The following TGFB2 variants were observed in gnomAD, a reference collection of about 807,000 sequenced individuals.
TGFB2 encodes transforming growth factor beta-2 proprotein.
Under a neutral mutation model 42.7 loss-of-function variants are expected in TGFB2, and 13 were observed. The ratio of observed to expected loss-of-function variants is 0.30; its 90% CI spans 0.20 to 0.48. TGFB2 has a LOEUF of 0.48. Ranked by LOEUF, TGFB2 falls within the 20% of genes least tolerant of loss-of-function variation. TGFB2 has a pLI of 0.99. For synonymous variants in TGFB2, 193 were observed against 193.6 expected, an observed-to-expected ratio of 1.00 and a Z score of 0.03; for missense variants, 390 against 517.5, an observed-to-expected ratio of 0.75 and a Z score of 2.39.
intron 1 of TGFB2, among the ~76,000 whole-genome samples, chr1:218,348,272 C>T (rs371037794): frequency 6.6e-6 from 1 of 152,166 alleles, no homozygotes; most frequent in Non-Finnish European, 1.5e-5. Context: ...GCCCTGTATA[C>T]TTGCTGGCTG....
intron 2 of TGFB2, among the ~76,000 whole-genome samples, chr1:218,432,356 C>T (rs1659833360): frequency 6.6e-6 from 1 of 152,154 alleles, no homozygotes; most frequent in African/African-American, 2.4e-5. Flanking sequence ...TTGTTGCCTC[C>T]ACATTCTCTT....
chr1:218,346,596 C>A lies in TGFB2; in HGVS notation c.-106C>A. 1 of 1,054,846 alleles carries A rather than the reference C, an allele frequency of 9.5e-7. No individual in the cohort carries two copies. 65.3% of individuals were successfully genotyped at this position (1,054,846 alleles called of 1,614,324 possible). ...AAAAGTTTCGCATCAAAAACAACAACAACAAAAAACCAAACAACTCTCCTT... is the reference window on the plus strand; with the variant it reads ...AAAAGTTTCGCATCAAAAACAACAAAAACAAAAAACCAAACAACTCTCCTT... On this transcript the variant is annotated 5_prime_UTR_variant, in exon 1 of 7. Transcript: ENST00000366930. The surrounding 1 kb of genome is among the most constrained non-coding windows in gnomAD (Gnocchi z 4.9).
intron 2 of TGFB2, among the ~76,000 whole-genome samples, chr1:218,425,262 C>A (rs1279685102): frequency 6.6e-6 from 1 of 152,138 alleles, no homozygotes; most frequent in East Asian, 1.9e-4. Flanking sequence ...GGCTGGAGTG[C>A]AGTGGTGTGT....
chr1:218,433,596 G>A (rs1451774964), intron 2 of TGFB2, among the ~76,000 whole-genome samples: 1 of 152,158 alleles, frequency 6.6e-6, no homozygotes, highest in Non-Finnish European at 1.5e-5. Context: ...TGGAAACCAA[G>A]GTTAGGACCG....
chr1:218,399,342 A>C (rs984780750), intron 1 of TGFB2, among the ~76,000 whole-genome samples: 1 of 152,262 alleles, frequency 6.6e-6, no homozygotes, highest in Admixed American at 6.5e-5. Flanking sequence ...TAGGCATTGC[A>C]TGCCTGTATC....
At chr1:218,428,998 T>TTTTTTA (rs1659718746) in intron 2 of TGFB2, among the ~76,000 whole-genome samples, 1 of 132,242 alleles carries the variant, frequency 7.6e-6, no homozygotes, top group African/African-American at 2.8e-5. Context: ...TTTTTTTTTC[T>TTTTTTA]GAGACAGAGT....
chr1:218,403,782 G>A lies in TGFB2; in HGVS notation c.347-1387G>A, dbSNP rs74920506. ...CATTTATAAAGAAACATGAACAACC[G>A]TGAATGATTATTTGTAATGAAGTCA... On this transcript the variant is annotated intron_variant, in intron 1 of 6. Transcript: ENST00000366930. Among the ~76,000 whole-genome samples the A allele has an allele frequency of 4.4e-3, 672 of 152,228 alleles. 5 individuals carry two copies. The highest frequency in any genetic ancestry group is 0.016 in the African/African-American group (645 of 41,538).
At chr1:218,414,290 C>T (rs1050172735) in intron 2 of TGFB2, among the ~76,000 whole-genome samples, 2 of 151,852 alleles carry the variant, frequency 1.3e-5, no homozygotes, top group Non-Finnish European at 2.9e-5. Context: ...TCATATTGCC[C>T]AAGAGGGTGT....
At chr1:218,407,822 T>G (rs1489526899) in intron 2 of TGFB2, among the ~76,000 whole-genome samples, 1 of 152,066 alleles carries the variant, frequency 6.6e-6, no homozygotes. Context: ...AATTTTCCCT[T>G]TCTCTTACCC....
rs570192178 is a variant in TGFB2 at position 218,430,989 on chromosome 1, C to T, written c.511-3093C>T. On this transcript the variant is annotated intron_variant, in intron 2 of 6. Coordinates refer to ENST00000366930, the MANE Select transcript of TGFB2 (RefSeq NM_003238.6). The stretch of plus-strand genomic sequence containing the variant: ...CTGAGTGATGGAAAGCAGCTGTTTC[C>T]TGTTTCCACTAAGGACTGGATAAGA... Among the ~76,000 whole-genome samples the T allele has an allele frequency of 5.9e-5, 9 of 152,194 alleles. 1 individual carries two copies. The highest frequency in any genetic ancestry group is 1.3e-4 in the Non-Finnish European group (9 of 68,046).
At chr1:218,394,427 G>C (rs1316768905) in intron 1 of TGFB2, among the ~76,000 whole-genome samples, 1 of 152,176 alleles carries the variant, frequency 6.6e-6, no homozygotes, top group East Asian at 1.9e-4. Context: ...GTCTGACACA[G>C]TTCAAGAAAA....
chr1:218,381,691 A>G (rs533564171), intron 1 of TGFB2, among the ~76,000 whole-genome samples: 9 of 152,272 alleles, frequency 5.9e-5, no homozygotes, highest in South Asian at 2.1e-4. Context: ...ACAAAACTCT[A>G]TCTCTGGACA....
intron 2 of TGFB2, among the ~76,000 whole-genome samples, chr1:218,416,742 A>G (rs1359621474): frequency 2.0e-5 from 3 of 151,998 alleles, no homozygotes; most frequent in Non-Finnish European, 4.4e-5. Context: ...ACTCAATCTC[A>G]TCTTGAATTC....
chr1:218,387,978 G>C (rs1658192485), intron 1 of TGFB2, among the ~76,000 whole-genome samples: 1 of 152,002 alleles, frequency 6.6e-6, no homozygotes, highest in Non-Finnish European at 1.5e-5. Context: ...ACATGGAAAT[G>C]ACTGTGATCT....
At chr1:218,380,501 G>A (rs1657924075) in intron 1 of TGFB2, among the ~76,000 whole-genome samples, 1 of 152,026 alleles carries the variant, frequency 6.6e-6, no homozygotes, top group African/African-American at 2.4e-5. Flanking sequence ...TAGTACAAAT[G>A]TTTATAGAGT....
chr1:218,406,398 G>A (rs1028690865), intron 2 of TGFB2, among the ~76,000 whole-genome samples: 12 of 152,014 alleles, frequency 7.9e-5, no homozygotes, highest in East Asian at 3.9e-4. Flanking sequence ...CATTTGCATC[G>A]GCATCACCTG....
Position 218,442,972 on chromosome 1 carries a change from C to A in TGFB2, c.*1610C>A, listed in dbSNP as rs1387956180. The A allele has an allele frequency of 6.6e-6, 1 of 152,016 alleles. No homozygotes were observed. The highest frequency in any genetic ancestry group is 1.5e-5 in the Non-Finnish European group (1 of 67,994). The allele number at this position is 152,016 out of a possible 1,614,324, so 9.4% of individuals were successfully genotyped here. On this transcript the variant is annotated 3_prime_UTR_variant, in exon 7 of 7. Coordinates refer to ENST00000366930, the MANE Select transcript of TGFB2 (RefSeq NM_003238.6). ...CATAGGAAACATCTTTTTCTTTAGTCAGGTTTTTAATATTCAGGGGGAAAT... is the reference window on the plus strand; with the variant it reads ...CATAGGAAACATCTTTTTCTTTAGTAAGGTTTTTAATATTCAGGGGGAAAT...
Position 218,441,237 on chromosome 1 carries a change from G to T in TGFB2, c.1120G>T (p.Ala374Ser). The change falls in exon 7 of 7, where the codon GCA (alanine) becomes TCA (serine). Residue 374 changes from alanine to serine, a missense_variant. Physicochemically the swap from Ala to Ser is moderately conservative, Grantham distance 99 (BLOSUM62 1). Coordinates refer to ENST00000366930, the MANE Select transcript of TGFB2 (RefSeq NM_003238.6). ...CTTATATAATACCATAAATCCAGAAGCATCTGCTTCTCCTTGCTGCGTGTC... is the reference window on the plus strand; with the variant it reads ...CTTATATAATACCATAAATCCAGAATCATCTGCTTCTCCTTGCTGCGTGTC... ...LSLYNTINPE[A>S]SASPCCVSQD... 1 of 1,613,576 alleles carries T rather than the reference G, an allele frequency of 6.2e-7. No individual in the cohort carries two copies. Among genetic ancestry groups the T allele is most frequent in the East Asian group, 2.2e-5 (1 of 44,860 alleles).
rs1003330032 is a variant in TGFB2, at chr1:218,430,394, CAA to C, written c.511-3676_511-3675del. 5.5e-3 allele frequency among the ~76,000 whole-genome samples: 701 copies of C among 127,938 alleles called. 12 individuals carry two copies. The highest frequency in any genetic ancestry group is 0.019 in the African/African-American group (662 of 34,626). 83.9% of individuals were successfully genotyped at this position (127,938 alleles called of 152,430 possible). On this transcript the variant is annotated intron_variant, in intron 2 of 6. Coordinates refer to ENST00000366930, the MANE Select transcript of TGFB2 (RefSeq NM_003238.6). ...TGGGTGATAGAGTGAGACCCTGTCT[CAA>C]AAAAAAAAAAAGTATAAAGAAATTT...
Sources: gnomAD v4.1 joint callset for allele counts (sites outside exome capture counted in the v4.1 genomes callset) on GRCh38, gnomAD v4.1.1 for gene constraint, Gnocchi (gnomAD v3.1) non-coding constraint, MANE v1.5 for transcripts, NCBI Gene and HGNC (gene_info 2026-07-23, HGNC 2026-07-21) for gene names.